GPBP1L1: variants seen among roughly 807,000 people sequenced by gnomAD.
GPBP1L1 encodes the protein vasculin-like protein 1.
In GPBP1L1, 23 loss-of-function variants were observed where a neutral mutation model predicts 52.5. The ratio of observed to expected loss-of-function variants is 0.44; its 90% CI spans 0.32 to 0.62. GPBP1L1 has a LOEUF of 0.62. GPBP1L1 is among the 20% of genes least tolerant of loss of function. The probability of loss-of-function intolerance (pLI) is 0.06; values close to 1 mark genes in which losing one functional copy is unlikely to be tolerated. For synonymous variants in GPBP1L1, 243 were observed against 203.1 expected, an observed-to-expected ratio of 1.20 and a Z score of -1.67; for missense variants, 596 against 579.3, an observed-to-expected ratio of 1.03 and a Z score of -0.30.
In GPBP1L1 at chr1:45,649,084, C is replaced by T. The variant is rs537382746; in HGVS notation, c.477+5459G>A. Among the ~76,000 whole-genome samples the T allele has an allele frequency of 2.0e-5, 3 of 152,262 alleles. No homozygotes were observed. The South Asian group carries it at 6.2e-4, about 32-fold the overall frequency. On this transcript the variant is annotated intron_variant, in intron 6 of 12. Coordinates refer to ENST00000355105, the MANE Select transcript of GPBP1L1 (RefSeq NM_021639.5). The stretch of plus-strand genomic sequence containing the variant: ...TTCACTGCGACCTGCTGCATGAGAT[C>T]AGGTATGGAATTTTCTACTTGTGGC...
At chr1:45,676,710 C>CAAAAA (rs1189531708) in intron 2 of GPBP1L1, among the ~76,000 whole-genome samples, 8 of 63,276 alleles carry the variant, frequency 1.3e-4, no homozygotes, top group Admixed American at 3.5e-4. Context: ...AACTCTGTCT[C>CAAAAA]AAAAAAAAAA....
chr1:45,667,459 T>TATTTTATAATTAA (rs1409780133), intron 2 of GPBP1L1, among the ~76,000 whole-genome samples: 1 of 152,208 alleles, frequency 6.6e-6, no homozygotes. Flanking sequence ...CCTAATTTTA[T>TATTTTATAATTAA]ATTTTATAAT....
chr1:45,653,966 T>G (rs1274479825), intron 6 of GPBP1L1, among the ~76,000 whole-genome samples: 1 of 152,138 alleles, frequency 6.6e-6, no homozygotes, highest in Non-Finnish European at 1.5e-5. Flanking sequence ...CCCAAAGTGC[T>G]CAGATTACAA....
intron 2 of GPBP1L1, among the ~76,000 whole-genome samples, chr1:45,672,227 G>A (rs903639082): frequency 6.6e-6 from 1 of 151,796 alleles, no homozygotes; most frequent in African/African-American, 2.4e-5. Context: ...TGGGCATGGT[G>A]GCCAGGCGCT....
Position 45,673,693 on chromosome 1 carries a change from C to T in GPBP1L1, c.-1098+11883G>A, listed in dbSNP as rs144905698. ...TGACCAATATGGTGAAACCCCATCT[C>T]TACTAAAAATACAAAAAAATTAGCC... On this transcript the variant is annotated intron_variant, in intron 2 of 12. Transcript: ENST00000355105. Among the ~76,000 whole-genome samples, 462 of 152,260 alleles carry T rather than the reference C, an allele frequency of 3.0e-3. 4 individuals carry two copies. Among genetic ancestry groups the T allele is most frequent in the East Asian group, 0.023 (117 of 5,184 alleles).
In GPBP1L1 at chr1:45,640,327, G is replaced by A. The variant is rs766339335; in HGVS notation, c.627C>T (p.Ala209=). ...CTGGTGAGGTGAATGCAGCAGAGAAGGCAGCAGCAGGATCCTCTTTGGAAA... is the reference window on the plus strand; with the variant it reads ...CTGGTGAGGTGAATGCAGCAGAGAAAGCAGCAGCAGGATCCTCTTTGGAAA... ...KKVSKEDPAA[A]FSAAFTSPGS... is the part of the protein sequence containing the mutation. Residue 209 remains alanine, a synonymous_variant, in exon 8 of 13, where the codon GCC becomes GCT. Coordinates refer to ENST00000355105, the MANE Select transcript of GPBP1L1 (RefSeq NM_021639.5). The A allele has an allele frequency of 5.0e-6, 8 of 1,614,036 alleles. No homozygotes were observed. The highest frequency in any genetic ancestry group is 2.2e-5 in the East Asian group (1 of 44,882).
At chr1:45,640,973 C>T (rs1644664229) in intron 7 of GPBP1L1, among the ~76,000 whole-genome samples, 3 of 152,074 alleles carry the variant, frequency 2.0e-5, no homozygotes, top group Non-Finnish European at 1.5e-5. Flanking sequence ...CATGACTGTG[C>T]CACTGCACTC....
At chr1:45,673,635 G>A (rs1279284148) in intron 2 of GPBP1L1, among the ~76,000 whole-genome samples, 2 of 152,188 alleles carry the variant, frequency 1.3e-5, no homozygotes, top group Non-Finnish European at 2.9e-5. Context: ...GCCAATGCAG[G>A]CGGATCACAA....
intron 6 of GPBP1L1, chr1:45,651,526 C>G (rs1019968183): frequency 1.9e-6 from 1 of 527,092 alleles, no homozygotes; most frequent in South Asian, 2.0e-5. Flanking sequence ...CTGATCTGTA[C>G]TTGTGGGCCA....
At chr1:45,672,992 GA>G (rs1645092420) in intron 2 of GPBP1L1, among the ~76,000 whole-genome samples, 1 of 152,186 alleles carries the variant, frequency 6.6e-6, no homozygotes, top group African/African-American at 2.4e-5. Flanking sequence ...GCACAACAGA[GA>G]AAAGGAGCAT....
At chr1:45,637,087 T>A (rs1025049981) in intron 8 of GPBP1L1, among the ~76,000 whole-genome samples, 1 of 152,216 alleles carries the variant, frequency 6.6e-6, no homozygotes, top group African/African-American at 2.4e-5. Context: ...ATCCCAGTTA[T>A]CCGTAAAGAC....
chr1:45,678,597 C>T (rs748786840), intron 2 of GPBP1L1, among the ~76,000 whole-genome samples: 7 of 152,018 alleles, frequency 4.6e-5, no homozygotes, highest in Non-Finnish European at 1.0e-4. Context: ...AAAAAAAGAA[C>T]AAGCTAAATA....
intron 2 of GPBP1L1, among the ~76,000 whole-genome samples, chr1:45,665,333 G>A (rs1644996769): frequency 6.6e-6 from 1 of 152,134 alleles, no homozygotes; most frequent in South Asian, 2.1e-4. Context: ...AATATGAGAT[G>A]TCAAGCATGT....
chr1:45,637,533 C>CTTTTTTTTTTTTTTTTTTTTTTT (rs1557696848), intron 8 of GPBP1L1, among the ~76,000 whole-genome samples: 1 of 151,934 alleles, frequency 6.6e-6, no homozygotes. Flanking sequence ...GAGCAGCAGC[C>CTTTTTTTTTTTTTTTTTTTTTTT]TTTATATTAG....
At chr1:45,655,520 C>T in intron 4 of GPBP1L1, 2 of 461,660 alleles carry the variant, frequency 4.3e-6, no homozygotes, top group East Asian at 3.8e-5. Flanking sequence ...TGCTAATTCA[C>T]TTCCTTTATT....
At chr1:45,650,373 T>TTTA (rs1202795317) in intron 6 of GPBP1L1, among the ~76,000 whole-genome samples, 1 of 152,148 alleles carries the variant, frequency 6.6e-6, no homozygotes, top group Non-Finnish European at 1.5e-5. Context: ...CTCCCACACT[T>TTTA]AGTAACAGCT....
intron 2 of GPBP1L1, among the ~76,000 whole-genome samples, chr1:45,685,036 CTTTTTG>C (rs1645262099): frequency 6.6e-6 from 1 of 151,664 alleles, no homozygotes; most frequent in African/African-American, 2.4e-5. Context: ...CAATCTATGA[CTTTTTG>C]TTTAAACTTC....
intron 2 of GPBP1L1, among the ~76,000 whole-genome samples, chr1:45,667,889 A>C (rs1039476297): frequency 6.6e-6 from 1 of 152,136 alleles, no homozygotes; most frequent in Non-Finnish European, 1.5e-5. Flanking sequence ...CTGAGATTAC[A>C]GGCATGTGTG....
intron 4 of GPBP1L1, among the ~76,000 whole-genome samples, chr1:45,658,378 G>A (rs532862495): frequency 2.0e-5 from 3 of 152,062 alleles, no homozygotes; most frequent in Admixed American, 6.6e-5. Context: ...AGGTTAGCAA[G>A]TACGTTTAAT....
Sources: allele counts gnomAD v4.1 joint callset (sites outside exome capture counted in the v4.1 genomes callset), GRCh38; gene constraint gnomAD v4.1.1; transcripts MANE v1.5; gene names NCBI Gene and HGNC (gene_info 2026-07-23, HGNC 2026-07-21).